The following RHOF variants were observed in gnomAD, a reference collection of about 807,000 sequenced individuals.
RHOF encodes ras homolog family member F, filopodia associated.
RHOF carries 21 observed loss-of-function variants against 22.2 expected under a neutral mutation model. That is an observed-to-expected ratio of 0.95 (90% CI 0.67 to 1.36). RHOF has a LOEUF of 1.36. Among genes scored for constraint, RHOF ranks in the 40% most tolerant of loss-of-function variants. The probability of loss-of-function intolerance (pLI) is 0.00; values close to 1 mark genes in which losing one functional copy is unlikely to be tolerated. For synonymous variants in RHOF, 135 were observed against 131.2 expected, an observed-to-expected ratio of 1.03 and a Z score of -0.20; for missense variants, 285 against 293.7, an observed-to-expected ratio of 0.97 and a Z score of 0.22.
chr12:121,784,777 A>G (rs1874562883), intron 2 of RHOF, among the ~76,000 whole-genome samples: 1 of 152,120 alleles, frequency 6.6e-6, no homozygotes, highest in Non-Finnish European at 1.5e-5. Context: ...TATTGTGCAA[A>G]AATAGGTTCT....
intron 2 of RHOF, among the ~76,000 whole-genome samples, chr12:121,785,908 G>C (rs998118492): frequency 2.6e-4 from 37 of 143,472 alleles, no homozygotes; most frequent in African/African-American, 9.8e-4. Context: ...CACGTGCCCA[G>C]CCTTTTCTTT....
chr12:121,779,844 T>TGCAGC lies in RHOF; in HGVS notation c.472-187_472-183dup, dbSNP rs1355146592. ...TGGGTGGAATGGAGGGCCAGGGCAGTGCAGCCCGCAGGTTGGAAGAAGCCC... is the reference window on the plus strand; with the variant it reads ...TGGGTGGAATGGAGGGCCAGGGCAGTGCAGCGCAGCCCGCAGGTTGGAAGAAGCCC... On this transcript the variant is annotated intron_variant, in intron 4 of 4. Transcript: ENST00000267205. 4.7e-6 allele frequency: 3 copies of TGCAGC among 639,924 alleles called. No homozygotes were observed. In the African/African-American group the frequency reaches 5.5e-5, roughly 12 times the overall value. 39.6% of individuals were successfully genotyped at this position (639,924 alleles called of 1,614,324 possible).
chr12:121,781,317 G>A, intron 2 of RHOF, 125 bp from the exon 3 acceptor site: 1 of 789,268 alleles, frequency 1.3e-6, no homozygotes, highest in South Asian at 1.7e-5. Flanking sequence ...CTATACAATG[G>A]GCAGCAAGCC....
intron 2 of RHOF, among the ~76,000 whole-genome samples, chr12:121,789,185 A>C (rs1283592914): frequency 1.3e-5 from 2 of 152,080 alleles, no homozygotes; most frequent in Non-Finnish European, 2.9e-5. Flanking sequence ...AGTTATGATC[A>C]TGCTATGGCA....
At chr12:121,788,117 C>T (rs1462619843) in intron 2 of RHOF, among the ~76,000 whole-genome samples, 1 of 152,128 alleles carries the variant, frequency 6.6e-6, no homozygotes, top group Admixed American at 6.6e-5. Context: ...CCCCAAAAGC[C>T]CTACAAGGTA....
intron 4 of RHOF, 162 bp from the exon 5 acceptor site, chr12:121,779,824 GGAAT>G: frequency 1.4e-6 from 1 of 722,198 alleles, no homozygotes; most frequent in South Asian, 1.8e-5. Flanking sequence ...GTGTGTGGGT[GGAAT>G]GGAGGGCCAG....
chr12:121,779,946 C>G (rs1172725674), intron 4 of RHOF: 1 of 291,060 alleles, frequency 3.4e-6, no homozygotes, highest in Non-Finnish European at 5.9e-6. Context: ...GGTTGGTTCC[C>G]CCAGGTGTCT....
intron 2 of RHOF, among the ~76,000 whole-genome samples, chr12:121,792,722 G>A (rs749863968): frequency 3.3e-5 from 5 of 152,202 alleles, no homozygotes; most frequent in African/African-American, 9.7e-5. Context: ...ATCTGCAGCC[G>A]GGAGCATCCC....
intron 2 of RHOF, among the ~76,000 whole-genome samples, chr12:121,791,684 A>G (rs1443572958): frequency 6.6e-6 from 1 of 152,234 alleles, no homozygotes; most frequent in East Asian, 1.9e-4. Context: ...CTCTCTGGGC[A>G]AGGCCAGAAA....
At chr12:121,789,367 G>T (rs1187442453) in intron 2 of RHOF, among the ~76,000 whole-genome samples, 4 of 152,188 alleles carry the variant, frequency 2.6e-5, no homozygotes, top group Non-Finnish European at 4.4e-5. Context: ...GTGCGGCAGG[G>T]CTGGGCGGAA....
chr12:121,786,335 C>T (rs924381690), intron 2 of RHOF, among the ~76,000 whole-genome samples: 16 of 152,112 alleles, frequency 1.1e-4, no homozygotes, highest in African/African-American at 3.6e-4. Context: ...GGATTACAGG[C>T]GTGAGCCACC....
intron 2 of RHOF, among the ~76,000 whole-genome samples, chr12:121,789,572 A>G (rs1184853353): frequency 2.6e-5 from 4 of 152,152 alleles, no homozygotes; most frequent in African/African-American, 4.8e-5. Flanking sequence ...GGGTACTGGC[A>G]GCATGAGAAG....
chr12:121,793,603 C>A lies in RHOF; in HGVS notation c.31G>T (p.Ala11Ser). 6.4e-7 allele frequency: 1 copy of A among 1,550,658 alleles called. No homozygotes were observed. The highest frequency in any genetic ancestry group is 1.4e-5 in the African/African-American group (1 of 73,746). The part of the protein sequence containing the change: MDAPGALAQT[A>S]APGPGRKELK... The stretch of plus-strand genomic sequence containing the variant: ...TCCTTCCTGCCCGGACCGGGGGCGG[C>A]GGTCTGGGCCAGGGCCCCGGGGGCA... Residue 11 changes from alanine to serine, a missense_variant, in exon 1 of 5, where the codon GCC (alanine) becomes TCC (serine). By Grantham distance (99) the Ala-to-Ser change is moderately conservative (BLOSUM62 1). Transcript: ENST00000267205.
At chr12:121,789,081 T>C (rs906492681) in intron 2 of RHOF, among the ~76,000 whole-genome samples, 1 of 152,004 alleles carries the variant, frequency 6.6e-6, no homozygotes, top group African/African-American at 2.4e-5. Context: ...ACAGCCCAGG[T>C]AGACCAGGCG....
At chr12:121,787,711 G>A (rs1245849298) in intron 2 of RHOF, among the ~76,000 whole-genome samples, 1 of 152,150 alleles carries the variant, frequency 6.6e-6, no homozygotes, top group African/African-American at 2.4e-5. Flanking sequence ...AGACCAGCCT[G>A]GGCAACATGG....
intron 1 of RHOF, 104 bp from the exon 2 acceptor site, chr12:121,793,343 C>A (rs1017156869): frequency 3.8e-5 from 55 of 1,433,428 alleles, no homozygotes; most frequent in East Asian, 1.5e-4. Context: ...ATCAGCCCCC[C>A]CTCACCCCGC....
At chr12:121,793,003 C>T in intron 2 of RHOF, 149 bp downstream of exon 2, 4 of 672,206 alleles carry the variant, frequency 6.0e-6, no homozygotes, top group Non-Finnish European at 7.5e-6. Flanking sequence ...GGCCCCGCAG[C>T]CAGCGCCCCT....
chr12:121,789,238 C>A (rs1322304689), intron 2 of RHOF, among the ~76,000 whole-genome samples: 1 of 80,782 alleles, frequency 1.2e-5, no homozygotes, highest in South Asian at 7.1e-4. Flanking sequence ...TCTAACCATT[C>A]CCCACCTCAA....
In RHOF at chr12:121,791,847, A is replaced by G. The variant is rs559904235; in HGVS notation, c.226+1305T>C. ...GCTGTGAATGTCTCCACCCAGCAGC[A>G]CTTGACTCAAAAAGTGGGTCAATGA... is the stretch of plus-strand genomic sequence containing the variant. On this transcript the variant is annotated intron_variant, in intron 2 of 4. Coordinates refer to ENST00000267205, the MANE Select transcript of RHOF (RefSeq NM_019034.3). Among the ~76,000 whole-genome samples, 9 of 152,354 alleles carry G rather than the reference A, an allele frequency of 5.9e-5. No homozygotes were observed. In the East Asian group the frequency reaches 1.7e-3, roughly 29 times the overall value.
Sources: allele counts gnomAD v4.1 joint callset (sites outside exome capture counted in the v4.1 genomes callset), GRCh38; gene constraint gnomAD v4.1.1; transcripts MANE v1.5; gene names NCBI Gene and HGNC (gene_info 2026-07-23, HGNC 2026-07-21).